CCDC148: variants seen among roughly 807,000 people sequenced by gnomAD.
The protein encoded by CCDC148 is coiled-coil domain-containing protein 148.
In CCDC148, 89 loss-of-function variants were observed where a neutral mutation model predicts 85.7. That is an observed-to-expected ratio of 1.04 (90% CI 0.87 to 1.24). The LOEUF (loss-of-function observed/expected upper bound fraction) is 1.24. Among genes scored for constraint, CCDC148 ranks in the 50% most tolerant of loss-of-function variants. CCDC148 has a pLI of 0.00. For missense variants in CCDC148, 692 were observed against 671.7 expected, an observed-to-expected ratio of 1.03 and a Z score of -0.33; for synonymous variants, 230 against 213.9, an observed-to-expected ratio of 1.08 and a Z score of -0.66.
intron 9 of CCDC148, among the ~76,000 whole-genome samples, chr2:158,304,292 GTGAC>G (rs1691582155): frequency 6.6e-6 from 1 of 152,132 alleles, no homozygotes; most frequent in African/African-American, 2.4e-5. Context: ...CAGATGATGG[GTGAC>G]TGACACTGTC....
At chr2:158,212,195 C>T (rs1686617399) in intron 11 of CCDC148, among the ~76,000 whole-genome samples, 1 of 152,192 alleles carries the variant, frequency 6.6e-6, no homozygotes, top group South Asian at 2.1e-4. Context: ...TCATTTGGCA[C>T]ATCCACTTGG....
At chr2:158,372,645 C>T (rs1157401331) in intron 1 of CCDC148, among the ~76,000 whole-genome samples, 1 of 151,984 alleles carries the variant, frequency 6.6e-6, no homozygotes, top group African/African-American at 2.4e-5. Context: ...TTATATAATT[C>T]ACTCCTTCCA....
intron 1 of CCDC148, among the ~76,000 whole-genome samples, chr2:158,371,889 C>T (rs1684458803): frequency 6.6e-6 from 1 of 152,000 alleles, no homozygotes; most frequent in Non-Finnish European, 1.5e-5. Context: ...ACCAGTTCCA[C>T]ATATAGTCAA....
At chr2:158,284,443 C>T (rs1370327576) in intron 9 of CCDC148, among the ~76,000 whole-genome samples, 1 of 151,088 alleles carries the variant, frequency 6.6e-6, no homozygotes, top group Non-Finnish European at 1.5e-5. Flanking sequence ...TGAAGATCTC[C>T]TTTTGGAAAT....
At chr2:158,372,783 A>G (rs1684501515) in intron 1 of CCDC148, among the ~76,000 whole-genome samples, 1 of 151,904 alleles carries the variant, frequency 6.6e-6, no homozygotes, top group African/African-American at 2.4e-5. Context: ...TGACCTACCA[A>G]ATGGTTTCTA....
In CCDC148 at chr2:158,350,872, A is replaced by C. The variant is rs1003672744; in HGVS notation, c.148-5554T>G. On this transcript the variant is annotated intron_variant, in intron 2 of 13. Coordinates refer to ENST00000283233, the MANE Select transcript of CCDC148 (RefSeq NM_138803.4). The stretch of plus-strand genomic sequence containing the variant: ...ATTTTGCACGGCCATCGTCGTGTGC[A>C]TTTATCATTTCTTTGTGGGGAGTAT... 5.3e-5 allele frequency among the ~76,000 whole-genome samples: 8 copies of C among 152,204 alleles called. No homozygotes were observed. The South Asian group carries it at 1.5e-3, about 28-fold the overall frequency.
At chr2:158,425,005 A>G (rs1574798016) in intron 1 of CCDC148, 1 of 389,562 alleles carries the variant, frequency 2.6e-6, no homozygotes, top group South Asian at 2.0e-5. Context: ...ACACCAAAAC[A>G]AAAAGGAAGA....
chr2:158,195,088 T>C (rs1300293412), intron 11 of CCDC148, among the ~76,000 whole-genome samples: 2 of 152,026 alleles, frequency 1.3e-5, no homozygotes, highest in Non-Finnish European at 2.9e-5. Context: ...TAGCCATCAA[T>C]GCCTACATAT....
intron 13 of CCDC148, among the ~76,000 whole-genome samples, chr2:158,172,469 T>C (rs1451741944): frequency 5.3e-5 from 8 of 152,000 alleles, no homozygotes; most frequent in Admixed American, 2.0e-4. Context: ...CCATGTAGGG[T>C]ATATAGAACA....
At chr2:158,246,364 G>A (rs1005732980) in intron 10 of CCDC148, among the ~76,000 whole-genome samples, 79 of 152,248 alleles carry the variant, frequency 5.2e-4, no homozygotes, top group African/African-American at 1.8e-3. Context: ...CTAGGTTTGT[G>A]GTGAGTATAT....
At chr2:158,261,518 CA>C (rs35367859) in intron 9 of CCDC148, among the ~76,000 whole-genome samples, 23,388 of 151,884 alleles carry the variant, frequency 0.15, 2,309 homozygotes, top group Middle Eastern at 0.25. Context: ...AATTGACAAA[CA>C]GCATCTAATT....
intron 9 of CCDC148, among the ~76,000 whole-genome samples, chr2:158,267,744 C>T (rs1038330839): frequency 1.3e-5 from 2 of 152,144 alleles, no homozygotes; most frequent in East Asian, 1.9e-4. Flanking sequence ...CCTTTTCTCC[C>T]GGACTGGTCA....
intron 1 of CCDC148, among the ~76,000 whole-genome samples, chr2:158,446,132 G>A (rs576115774): frequency 1.1e-3 from 171 of 152,274 alleles, no homozygotes; most frequent in African/African-American, 4.0e-3. Flanking sequence ...AGGATCATTT[G>A]AGGCTAGGGG....
Position 158,216,385 on chromosome 2 carries a change from A to AC in CCDC148, c.1370+4209dup, listed in dbSNP as rs1181331334. 2.8e-3 allele frequency among the ~76,000 whole-genome samples: 298 copies of AC among 108,320 alleles called. 2 individuals are homozygous for AC. The highest frequency in any genetic ancestry group is 4.3e-3 in the Non-Finnish European group (232 of 53,450). 71.1% of individuals were successfully genotyped at this position (108,320 alleles called of 152,430 possible). On this transcript the variant is annotated intron_variant, in intron 11 of 13. Transcript: ENST00000283233. ...TAAGAACAGCAACAAAAAGCACAAT[A>AC]CTTTTTTTTTTTTTTTTTTTTTTTT... is the stretch of plus-strand genomic sequence containing the variant.
At chr2:158,374,731 A>G in intron 1 of CCDC148, among the ~76,000 whole-genome samples, 1 of 151,954 alleles carries the variant, frequency 6.6e-6, no homozygotes, top group Non-Finnish European at 1.5e-5. Context: ...AATTAAAAGT[A>G]ATCAACATAG....
intron 1 of CCDC148, among the ~76,000 whole-genome samples, chr2:158,415,775 C>A (rs1221106454): frequency 6.6e-6 from 1 of 152,174 alleles, no homozygotes; most frequent in Non-Finnish European, 1.5e-5. Flanking sequence ...TCTTAAAGCT[C>A]TAAAATAACC....
chr2:158,342,956 C>G (rs567955699), intron 3 of CCDC148, among the ~76,000 whole-genome samples: 1 of 152,238 alleles, frequency 6.6e-6, no homozygotes, highest in African/African-American at 2.4e-5. Flanking sequence ...AAAATTTTGT[C>G]TAGTTTTCTT....
chr2:158,240,150 T>C (rs1191525244), intron 10 of CCDC148, among the ~76,000 whole-genome samples: 1 of 149,060 alleles, frequency 6.7e-6, no homozygotes, highest in African/African-American at 2.5e-5. Context: ...GGATGGATGT[T>C]AGAGCCAAGC....
At chr2:158,329,723 C>G (rs964368483) in intron 7 of CCDC148, among the ~76,000 whole-genome samples, 3 of 152,068 alleles carry the variant, frequency 2.0e-5, no homozygotes, top group South Asian at 2.1e-4. Context: ...AGAGGTCCTT[C>G]ACGTCCCTTG....
Sources: gnomAD v4.1 joint callset for allele counts (sites outside exome capture counted in the v4.1 genomes callset) on GRCh38, gnomAD v4.1.1 for gene constraint, MANE v1.5 for transcripts, NCBI Gene and HGNC (gene_info 2026-07-23, HGNC 2026-07-21) for gene names.